ATP2B2: variants seen among roughly 807,000 people sequenced by gnomAD.
ATP2B2 encodes plasma membrane calcium-transporting ATPase 2.
Under a neutral mutation model 120.0 loss-of-function variants are expected in ATP2B2, and 15 were observed. That is an observed-to-expected ratio of 0.12 (90% CI 0.08 to 0.19). ATP2B2 has a LOEUF of 0.19. Among genes scored for constraint, ATP2B2 ranks in the 10% least tolerant of loss-of-function variants. The probability of loss-of-function intolerance (pLI) is 1.00; values close to 1 mark genes in which losing one functional copy is unlikely to be tolerated. For missense variants in ATP2B2, 1,045 were observed against 1,719.8 expected, an observed-to-expected ratio of 0.61 and a Z score of 6.94; for synonymous variants, 694 against 700.3, an observed-to-expected ratio of 0.99 and a Z score of 0.14.
At chr3:10,430,318 A>C (rs1349803883) in intron 2 of ATP2B2, among the ~76,000 whole-genome samples, 1 of 152,192 alleles carries the variant, frequency 6.6e-6, no homozygotes, top group East Asian at 1.9e-4. Flanking sequence ...GGGCAGAGTA[A>C]ACTGAAAGCC....
At chr3:10,665,350 C>G (rs1363842574) in intron 1 of ATP2B2, among the ~76,000 whole-genome samples, 1 of 152,212 alleles carries the variant, frequency 6.6e-6, no homozygotes, top group East Asian at 1.9e-4. Flanking sequence ...GACCTCCATT[C>G]AGTGTCACTT....
chr3:10,406,890 A>C (rs924702140), intron 3 of ATP2B2, among the ~76,000 whole-genome samples: 2 of 152,170 alleles, frequency 1.3e-5, no homozygotes, highest in Non-Finnish European at 2.9e-5. Flanking sequence ...TTGAACCCAC[A>C]TCCCACTGGG....
At chr3:10,473,024 T>G (rs1400240733) in intron 1 of ATP2B2, among the ~76,000 whole-genome samples, 1 of 152,218 alleles carries the variant, frequency 6.6e-6, no homozygotes, top group East Asian at 1.9e-4. Context: ...CCCATTTACA[T>G]GACCACCAGG....
chr3:10,502,351 G>A (rs1442778551), intron 1 of ATP2B2, among the ~76,000 whole-genome samples: 1 of 152,174 alleles, frequency 6.6e-6, no homozygotes, highest in African/African-American at 2.4e-5. Flanking sequence ...GAAGATTGAG[G>A]GCAGAGAGAG....
intron 11 of ATP2B2, among the ~76,000 whole-genome samples, chr3:10,372,339 G>A (rs1309634629): frequency 6.6e-6 from 1 of 152,170 alleles, no homozygotes; most frequent in Non-Finnish European, 1.5e-5. Flanking sequence ...TTCTTTACGG[G>A]AAGAAGGGGG....
intron 3 of ATP2B2, among the ~76,000 whole-genome samples, chr3:10,529,222 G>A (rs1053928501): frequency 6.6e-6 from 1 of 152,236 alleles, no homozygotes; most frequent in African/African-American, 2.4e-5. Flanking sequence ...AACAAAGACA[G>A]GAGGTGACCC....
At chr3:10,491,119 A>G (rs1480003938) in intron 1 of ATP2B2, among the ~76,000 whole-genome samples, 1 of 151,774 alleles carries the variant, frequency 6.6e-6, no homozygotes, top group East Asian at 1.9e-4. Flanking sequence ...GGGGGCAACA[A>G]TGCATCCTAC....
Position 10,402,287 on chromosome 3 carries a change from C to T in ATP2B2, c.459G>A (p.Glu153=), listed in dbSNP as rs1322461971. ...TAACTGAGAGGAGAATGGCGGCCCC[C>T]TCGATCCAACCTGCCTCTGCCTCTC... is the stretch of plus-strand genomic sequence containing the variant. ...DEGEAEAGWI[E]GAAILLSVIC... Residue 153 remains glutamate (E), a synonymous_variant, in exon 4 of 23, where the codon GAG becomes GAA. Transcript: ENST00000360273. This position sits in a 1 kb window ranked among gnomAD's most constrained non-coding sequence, Gnocchi z 4.9. 1.9e-6 allele frequency: 3 copies of T among 1,613,936 alleles called. No homozygotes were observed. In the African/African-American group the frequency reaches 4.0e-5, roughly 22 times the overall value.
chr3:10,421,884 CA>C (rs1481451636), intron 2 of ATP2B2, among the ~76,000 whole-genome samples: 1 of 152,208 alleles, frequency 6.6e-6, no homozygotes, highest in Admixed American at 6.5e-5. Flanking sequence ...CCCAGAAGAA[CA>C]TTTACTATCA....
intron 1 of ATP2B2, among the ~76,000 whole-genome samples, chr3:10,468,459 A>G (rs572810576): frequency 2.6e-5 from 4 of 152,214 alleles, no homozygotes; most frequent in Non-Finnish European, 5.9e-5. Flanking sequence ...CGGCTACCCA[A>G]TGTTGATTTG....
intron 2 of ATP2B2, among the ~76,000 whole-genome samples, chr3:10,442,396 T>C (rs370559477): frequency 7.2e-5 from 11 of 152,314 alleles, no homozygotes; most frequent in African/African-American, 2.6e-4. Context: ...ATCTGTCCCG[T>C]GCTCTCCCTG....
rs2062254171 is a variant in ATP2B2, at chr3:10,402,451, A to G, written c.398-103T>C. 2 of 1,524,110 alleles carry G rather than the reference A, an allele frequency of 1.3e-6. No individual in the cohort carries two copies. The highest frequency in any genetic ancestry group is 1.8e-6 in the Non-Finnish European group (2 of 1,112,208). The allele number at this position is 1,524,110 out of a possible 1,614,324, so 94.4% of individuals were successfully genotyped here. ...GCTCTGCAAAGTAACAAGTGTTAAGAATCAGATGATAATTATCCACTTACT... is the reference window on the plus strand; with the variant it reads ...GCTCTGCAAAGTAACAAGTGTTAAGGATCAGATGATAATTATCCACTTACT... On this transcript the variant is annotated intron_variant, in intron 3 of 22. Transcript: ENST00000360273. This position sits in a 1 kb window ranked among gnomAD's most constrained non-coding sequence, Gnocchi z 4.9.
At chr3:10,626,865 G>GACACACACACAC in intron 1 of ATP2B2, 1 of 142,982 alleles carries the variant, frequency 7.0e-6, no homozygotes, top group African/African-American at 2.6e-5. Flanking sequence ...CTGGTAGTGA[G>GACACACACACAC]ACACACACAC....
chr3:10,683,736 A>ATGTGTGTGTGTGTGTGTGTG (rs1559519993), intron 1 of ATP2B2, among the ~76,000 whole-genome samples: 8 of 124,228 alleles, frequency 6.4e-5, no homozygotes, highest in African/African-American at 2.4e-4. Context: ...GTGTATATAT[A>ATGTGTGTGTGTGTGTGTGTG]TGTGTATATA....
At chr3:10,567,070 C>T (rs929430253) in intron 2 of ATP2B2, among the ~76,000 whole-genome samples, 1 of 152,304 alleles carries the variant, frequency 6.6e-6, no homozygotes, top group East Asian at 1.9e-4. Flanking sequence ...TCCCTCTCCT[C>T]ACCATAACTG....
chr3:10,375,668 T>TG lies in ATP2B2; in HGVS notation c.1202-25dup, dbSNP rs745662044. ...GCCTGCAATGTGAGGGACACATGCTTGGGGGGTTCCAGGAAGTGGAGGCTG... is the reference window on the plus strand; with the variant it reads ...GCCTGCAATGTGAGGGACACATGCTTGGGGGGGTTCCAGGAAGTGGAGGCTG... On this transcript the variant is annotated intron_variant, in intron 10 of 22. Coordinates refer to ENST00000360273, the MANE Select transcript of ATP2B2 (RefSeq NM_001001331.4). The surrounding 1 kb of genome is among the most constrained non-coding windows in gnomAD (Gnocchi z 4.2). 12 of 1,605,448 alleles carry TG rather than the reference T, an allele frequency of 7.5e-6. No homozygotes were observed. The highest frequency in any genetic ancestry group is 3.3e-4 in the Middle Eastern group (2 of 6,068).
At chr3:10,435,835 C>G (rs1188115322) in intron 2 of ATP2B2, among the ~76,000 whole-genome samples, 1 of 152,030 alleles carries the variant, frequency 6.6e-6, no homozygotes, top group Non-Finnish European at 1.5e-5. Flanking sequence ...GGACTTCAAG[C>G]ACTATGAATT....
At chr3:10,566,569 C>A (rs191804326) in intron 2 of ATP2B2, 26 of 152,310 alleles carry the variant, frequency 1.7e-4, no homozygotes, top group African/African-American at 5.5e-4. Flanking sequence ...ATGGATCCTA[C>A]TTGGGATGAA....
chr3:10,657,802 A>T (rs1438018881), intron 1 of ATP2B2, among the ~76,000 whole-genome samples: 1 of 152,240 alleles, frequency 6.6e-6, no homozygotes, highest in Non-Finnish European at 1.5e-5. Flanking sequence ...CTGCCTCCTC[A>T]AGTGGGTCCC....
Sources: allele counts gnomAD v4.1 joint callset (sites outside exome capture counted in the v4.1 genomes callset), GRCh38; gene constraint gnomAD v4.1.1; non-coding constraint Gnocchi (gnomAD v3.1); transcripts MANE v1.5; gene names NCBI Gene and HGNC (gene_info 2026-07-23, HGNC 2026-07-21).